Variants in TAF4B observed in about 807,000 individuals in gnomAD.
TAF4B encodes the protein transcription initiation factor TFIID subunit 4B.
TAF4B carries 38 observed loss-of-function variants against 86.4 expected under a neutral mutation model. The ratio of observed to expected loss-of-function variants is 0.44; its 90% CI spans 0.34 to 0.58. The LOEUF is 0.58. TAF4B is among the 20% of genes least tolerant of loss of function. The pLI, the probability that TAF4B is intolerant of heterozygous loss-of-function variation, is 0.02. For missense variants in TAF4B, 988 were observed against 1,027.6 expected (o/e 0.96, Z 0.53); for synonymous variants, 388 against 391.2 (o/e 0.99, Z 0.10).
In TAF4B at chr18:26,315,433, G is replaced by T. The variant is rs1324061285; in HGVS notation, c.2002+35G>T. 3.3e-6 allele frequency: 5 copies of T among 1,495,854 alleles called. No homozygotes were observed. The African/African-American group carries it at 6.9e-5, about 21-fold the overall frequency. 92.7% of individuals were successfully genotyped at this position (1,495,854 alleles called of 1,614,324 possible). ...GAGTTATGATTATTGACCTGATAGA[G>T]ATGTCTGTTTGAGGGAAAATATTAT... On this transcript the variant is annotated intron_variant, in intron 10 of 14. Coordinates refer to ENST00000269142, the MANE Select transcript of TAF4B (RefSeq NM_005640.3).
At chr18:26,262,108 A>G (rs183944887) in intron 1 of TAF4B, among the ~76,000 whole-genome samples, 69 of 151,966 alleles carry the variant, frequency 4.5e-4, no homozygotes, top group African/African-American at 1.6e-3. Context: ...TGAAGTACAG[A>G]TTTCCTTTTA....
chr18:26,289,801 C>G (rs2056570342), intron 7 of TAF4B, among the ~76,000 whole-genome samples: 2 of 152,182 alleles, frequency 1.3e-5, no homozygotes, highest in Admixed American at 6.5e-5. Flanking sequence ...CATTATCACT[C>G]ATTTTGTTTT....
chr18:26,322,815 A>G (rs919215016), intron 11 of TAF4B, among the ~76,000 whole-genome samples: 1 of 151,852 alleles, frequency 6.6e-6, no homozygotes, highest in Non-Finnish European at 1.5e-5. Flanking sequence ...TTAGTTTCAT[A>G]AGATGTAAAG....
intron 12 of TAF4B, among the ~76,000 whole-genome samples, chr18:26,328,626 A>AT (rs1485448543): frequency 5.3e-5 from 8 of 151,714 alleles, no homozygotes; most frequent in African/African-American, 7.3e-5. Context: ...TTTTTGTTTT[A>AT]TTTTTTTGTT....
At chr18:26,386,520 A>G (rs1978376073) in intron 14 of TAF4B, among the ~76,000 whole-genome samples, 1 of 152,174 alleles carries the variant, frequency 6.6e-6, no homozygotes, top group African/African-American at 2.4e-5. Flanking sequence ...CAGTAGTTAG[A>G]TCAAGAAGGA....
chr18:26,296,095 T>G (rs1239477482), intron 9 of TAF4B, among the ~76,000 whole-genome samples: 1 of 152,086 alleles, frequency 6.6e-6, no homozygotes, highest in East Asian at 1.9e-4. Context: ...TTTTTTACCC[T>G]TTATTTATGT....
At chr18:26,353,202 A>G (rs143224306) in intron 13 of TAF4B, among the ~76,000 whole-genome samples, 1 of 152,324 alleles carries the variant, frequency 6.6e-6, no homozygotes, top group East Asian at 1.9e-4. Flanking sequence ...AATCTACTTT[A>G]GATTTGATAT....
rs926583147 is a variant in TAF4B at position 26,300,643 on chromosome 18, C to T, written c.1832+7112C>T. 5.3e-5 allele frequency among the ~76,000 whole-genome samples: 8 copies of T among 151,976 alleles called. No individual in the cohort carries two copies. In the South Asian group the frequency reaches 1.7e-3, roughly 31 times the overall value. On this transcript the variant is annotated intron_variant, in intron 9 of 14. Transcript: ENST00000269142. Reference sequence around the variant, plus strand: ...AATTTTATTAAATTTATTGAGACTTCTCAGTGTGACTAATTTTGATTAATA... The same window carrying T: ...AATTTTATTAAATTTATTGAGACTTTTCAGTGTGACTAATTTTGATTAATA...
At position 26,263,732 on chromosome 18, in the gene TAF4B, T is replaced by TC. The variant is rs2056201193; in HGVS notation, c.344-1438_344-1437insC. 5.9e-5 allele frequency among the ~76,000 whole-genome samples: 9 copies of TC among 152,196 alleles called. No individual in the cohort carries two copies. The South Asian group carries it at 1.0e-3, about 18-fold the overall frequency. On this transcript the variant is annotated intron_variant, in intron 1 of 14. Transcript: ENST00000269142. ...CTCTTTCTCTCTCTCTCTCTCTTTTTTGAGACAGGGTCTTGCTCTGTGTCC... is the reference window on the plus strand; with the variant it reads ...CTCTTTCTCTCTCTCTCTCTCTTTTTCTGAGACAGGGTCTTGCTCTGTGTCC...
intron 14 of TAF4B, among the ~76,000 whole-genome samples, chr18:26,372,482 A>G (rs2057412219): frequency 6.6e-6 from 1 of 152,170 alleles, no homozygotes; most frequent in South Asian, 2.1e-4. Flanking sequence ...CTGTATACCT[A>G]TTAGTAAAGA....
At chr18:26,249,874 C>T (rs745729109) in intron 1 of TAF4B, among the ~76,000 whole-genome samples, 28 of 152,290 alleles carry the variant, frequency 1.8e-4, no homozygotes, top group Non-Finnish European at 3.4e-4. Context: ...AGGCACATGC[C>T]ACCATGCCCG....
chr18:26,318,139 C>A (rs988456630), intron 10 of TAF4B, among the ~76,000 whole-genome samples: 1 of 152,074 alleles, frequency 6.6e-6, no homozygotes, highest in African/African-American at 2.4e-5. Context: ...TTCAAGTGAT[C>A]CTCCTGCCTC....
intron 14 of TAF4B, among the ~76,000 whole-genome samples, chr18:26,384,619 G>C (rs1195057993): frequency 6.6e-6 from 1 of 152,146 alleles, no homozygotes; most frequent in Non-Finnish European, 1.5e-5. Flanking sequence ...ATAGGACCTA[G>C]GTAGGAAAAG....
At chr18:26,259,066 C>T (rs181554796) in intron 1 of TAF4B, among the ~76,000 whole-genome samples, 28 of 151,864 alleles carry the variant, frequency 1.8e-4, no homozygotes, top group Non-Finnish European at 1.5e-4. Context: ...TGTGTCTTGG[C>T]GTGGGGATCT....
At chr18:26,330,974 A>AC (rs1355804004) in intron 12 of TAF4B, among the ~76,000 whole-genome samples, 8 of 151,846 alleles carry the variant, frequency 5.3e-5, no homozygotes, top group African/African-American at 1.7e-4. Context: ...CCTTGATGAG[A>AC]CCCCCACTCC....
At chr18:26,308,113 G>A (rs2056815270) in intron 9 of TAF4B, among the ~76,000 whole-genome samples, 1 of 152,102 alleles carries the variant, frequency 6.6e-6, no homozygotes. Flanking sequence ...AATTAGTTGG[G>A]CATGGTGGCG....
At chr18:26,358,333 G>T (rs1191128823) in intron 14 of TAF4B, among the ~76,000 whole-genome samples, 1 of 152,110 alleles carries the variant, frequency 6.6e-6, no homozygotes, top group Non-Finnish European at 1.5e-5. Context: ...CATAGAATAG[G>T]CACATGTATA....
intron 3 of TAF4B, among the ~76,000 whole-genome samples, chr18:26,270,359 A>G (rs1486023914): frequency 2.6e-5 from 4 of 152,136 alleles, no homozygotes; most frequent in African/African-American, 9.7e-5. Context: ...CCACAATTCT[A>G]TTTCTGTGCT....
chr18:26,230,814 G>A (rs1247517101), intron 1 of TAF4B, among the ~76,000 whole-genome samples: 3 of 152,062 alleles, frequency 2.0e-5, no homozygotes, highest in Admixed American at 6.6e-5. Context: ...AGTTGTGCAC[G>A]AAGGCGCTCA....
Sources: gnomAD v4.1 joint callset for allele counts (sites outside exome capture counted in the v4.1 genomes callset) on GRCh38, gnomAD v4.1.1 for gene constraint, MANE v1.5 for transcripts, NCBI Gene and HGNC (gene_info 2026-07-23, HGNC 2026-07-21) for gene names.